Variants in DMD observed in about 807,000 individuals in gnomAD.
The protein encoded by DMD is dystrophin.
Under a neutral mutation model 330.1 loss-of-function variants are expected in DMD, and 63 were observed. The observed-to-expected ratio is 0.19, with a 90% CI of 0.16 to 0.24. The LOEUF is 0.24. DMD is among the 10% of genes least tolerant of loss of function. The pLI, the probability that DMD is intolerant of heterozygous loss-of-function variation, is 1.00. For synonymous variants in DMD, 1,223 were observed against 959.8 expected (o/e 1.27, Z -5.07); for missense variants, 3,344 against 2,684.1 (o/e 1.25, Z -5.43).
intron 51 of DMD, among the ~76,000 whole-genome samples, chrX:31,741,541 G>A (rs1388354589): frequency 9.0e-6 from 1 of 111,393 alleles, no homozygotes; most frequent in Non-Finnish European, 1.9e-5. Flanking sequence ...CATTGTCAAA[G>A]AGCAGTAATA....
At chrX:31,344,666 T>G (rs1250123232) in intron 61 of DMD, among the ~76,000 whole-genome samples, 4 of 109,916 alleles carry the variant, frequency 3.6e-5, no homozygotes, top group Non-Finnish European at 1.9e-5. Flanking sequence ...CTGGCCAACA[T>G]AGTGAAACCC....
intron 9 of DMD, among the ~76,000 whole-genome samples, chrX:32,695,051 T>C (rs780234754): frequency 1.8e-5 from 2 of 112,379 alleles, no homozygotes; most frequent in Admixed American, 1.9e-4. Context: ...TTGTTTTGCA[T>C]GTTTATGTGT....
chrX:32,775,130 C>G (rs1167014201), intron 7 of DMD, among the ~76,000 whole-genome samples: 3 of 112,803 alleles, frequency 2.7e-5, no homozygotes, highest in Non-Finnish European at 5.6e-5. Context: ...TGTCTCATAT[C>G]CAGGGCAGGC....
At chrX:32,723,687 A>T (rs1286099973) in intron 7 of DMD, among the ~76,000 whole-genome samples, 1 of 111,213 alleles carries the variant, frequency 9.0e-6, no homozygotes, top group Non-Finnish European at 1.9e-5. Context: ...AACAGTTATT[A>T]TGGAAGATAA....
chrX:32,775,167 C>G (rs1349595943), intron 7 of DMD, among the ~76,000 whole-genome samples: 2 of 112,812 alleles, frequency 1.8e-5, no homozygotes, highest in Non-Finnish European at 3.8e-5. Flanking sequence ...CTCCCATGAC[C>G]TTGGACAGCT....
intron 47 of DMD, among the ~76,000 whole-genome samples, chrX:31,909,234 T>C (rs1404362265): frequency 9.0e-6 from 1 of 111,616 alleles, no homozygotes; most frequent in Non-Finnish European, 1.9e-5. Context: ...TCTACCTTTG[T>C]TGTGGTGCAG....
At chrX:32,094,932 A>G (rs1162301079) in intron 44 of DMD, among the ~76,000 whole-genome samples, 3 of 111,342 alleles carry the variant, frequency 2.7e-5, no homozygotes, top group Non-Finnish European at 3.8e-5. Context: ...CAAGGGGGCA[A>G]TGGGACTTGA....
Position 31,146,366 on chromosome X carries a change from T to C in DMD, c.10846A>G (p.Thr3616Ala), listed in dbSNP as rs368996545. The C allele has an allele frequency of 2.0e-5, 24 of 1,209,007 alleles. No individual in the cohort carries two copies. Among genetic ancestry groups the C allele is most frequent in the African/African-American group, 8.7e-5 (5 of 57,237 alleles). ...CTGCTGTCGGACCTCTGTAGAGAGG[T>C]AGAAGGAGAGGACACCGTTGTGCCA... The part of the protein sequence containing the change: ...VNGTTVSSPS[T>A]SLQRSDSSQP... Residue 3616 changes from threonine to alanine, a missense_variant, in exon 76 of 79, where the codon ACC becomes GCC. Physicochemically the swap from Thr to Ala is moderately conservative, Grantham distance 58. Transcript: ENST00000357033.
intron 13 of DMD, among the ~76,000 whole-genome samples, chrX:32,582,648 A>G (rs777590422): frequency 1.1e-4 from 12 of 111,552 alleles, no homozygotes; most frequent in Non-Finnish European, 1.5e-4. Flanking sequence ...GGAGATCGAA[A>G]TGGCCAAAAG....
intron 1 of DMD, among the ~76,000 whole-genome samples, chrX:33,130,003 C>A (rs1341219628): frequency 9.0e-6 from 1 of 111,556 alleles, no homozygotes; most frequent in African/African-American, 3.3e-5. Flanking sequence ...CTTTTCCGAA[C>A]AAGTAAGTTC....
chrX:31,830,057 A>G (rs1162763961), intron 49 of DMD, among the ~76,000 whole-genome samples: 1 of 112,299 alleles, frequency 8.9e-6, no homozygotes, highest in Non-Finnish European at 1.9e-5. Context: ...CGGAACCACA[A>G]TGTTGTATAT....
intron 7 of DMD, among the ~76,000 whole-genome samples, chrX:32,718,755 C>G (rs752147901): frequency 1.8e-5 from 2 of 112,038 alleles, no homozygotes; most frequent in African/African-American, 6.5e-5. Flanking sequence ...AAATATGTCA[C>G]ATAAAAACAT....
intron 9 of DMD, among the ~76,000 whole-genome samples, chrX:32,651,709 T>C (rs2060168418): frequency 9.0e-6 from 1 of 111,712 alleles, no homozygotes; most frequent in Non-Finnish European, 1.9e-5. Context: ...ATGATGTCCT[T>C]ATTTCACACT....
intron 1 of DMD, among the ~76,000 whole-genome samples, chrX:33,065,561 C>T (rs1294650060): frequency 1.8e-5 from 2 of 108,771 alleles, no homozygotes; most frequent in Non-Finnish European, 3.8e-5. Flanking sequence ...ATGCTGCCTA[C>T]TGGCACCAAA....
intron 51 of DMD, among the ~76,000 whole-genome samples, chrX:31,730,736 T>A (rs1414338575): frequency 9.0e-6 from 1 of 111,705 alleles, no homozygotes; most frequent in African/African-American, 3.2e-5. Context: ...ATAAGCAATA[T>A]GTGACAGATG....
intron 75 of DMD, 23 bp downstream of exon 75, chrX:31,147,252 A>G: frequency 2.5e-6 from 3 of 1,210,908 alleles, no homozygotes; most frequent in Non-Finnish European, 3.4e-6. Context: ...GAATGTTTGT[A>G]AAAATCCCAT....
At chrX:32,035,333 T>G (rs2095934343) in intron 44 of DMD, among the ~76,000 whole-genome samples, 1 of 111,616 alleles carries the variant, frequency 9.0e-6, no homozygotes, top group South Asian at 3.7e-4. Context: ...ATCACTCAAT[T>G]TAGACTCTAG....
At chrX:32,021,834 C>A (rs929855003) in intron 44 of DMD, among the ~76,000 whole-genome samples, 1 of 111,516 alleles carries the variant, frequency 9.0e-6, no homozygotes, top group African/African-American at 3.3e-5. Context: ...ACGTATTTGA[C>A]TCACATTATA....
At chrX:32,229,166 T>G (rs909346076) in intron 43 of DMD, among the ~76,000 whole-genome samples, 16 of 111,286 alleles carry the variant, frequency 1.4e-4, no homozygotes, top group African/African-American at 5.2e-4. Flanking sequence ...CTACTTCTCC[T>G]ATAATATACT....
Sources: allele counts gnomAD v4.1 joint callset (sites outside exome capture counted in the v4.1 genomes callset), GRCh38; gene constraint gnomAD v4.1.1; transcripts MANE v1.5; gene names NCBI Gene and HGNC (gene_info 2026-07-23, HGNC 2026-07-21).